RORB: variants seen among roughly 807,000 people sequenced by gnomAD.
The protein encoded by RORB is nuclear receptor ROR-beta.
In RORB, 6 loss-of-function variants were observed where a neutral mutation model predicts 59.1. The observed-to-expected ratio is 0.10, with a 90% CI of 0.06 to 0.20. The LOEUF is 0.20. Among genes scored for constraint, RORB ranks in the 10% least tolerant of loss-of-function variants. The pLI, the probability that RORB is intolerant of heterozygous loss-of-function variation, is 1.00. For synonymous variants in RORB, 215 were observed against 204.5 expected (o/e 1.05, Z -0.44); for missense variants, 320 against 560.5 (o/e 0.57, Z 4.33).
intron 4 of RORB, among the ~76,000 whole-genome samples, chr9:74,648,508 A>G (rs773061453): frequency 8.5e-5 from 13 of 152,170 alleles, no homozygotes; most frequent in Non-Finnish European, 1.6e-4. Flanking sequence ...AGTAGGGTAG[A>G]AGAGAGGAGG....
chr9:74,665,624 T>C (rs1190740068), intron 7 of RORB, 29 bp downstream of exon 7: 2 of 1,355,128 alleles, frequency 1.5e-6, no homozygotes, highest in Non-Finnish European at 2.1e-6. Flanking sequence ...AGGACACAAT[T>C]TTATTAGCCA....
intron 2 of RORB, among the ~76,000 whole-genome samples, 180 bp from the exon 3 acceptor site, chr9:74,634,451 G>C (rs1049714236): frequency 6.6e-6 from 1 of 152,226 alleles, no homozygotes; most frequent in Admixed American, 6.5e-5. Context: ...TATCTTTGCA[G>C]ATAGCATCTA....
chr9:74,575,306 G>C (rs1460736046), intron 1 of RORB, among the ~76,000 whole-genome samples: 1 of 152,242 alleles, frequency 6.6e-6, no homozygotes, highest in Admixed American at 6.5e-5. Flanking sequence ...GTTGGAGACA[G>C]TCCCAGGACA....
chr9:74,602,770 A>T (rs1440789559), intron 1 of RORB, among the ~76,000 whole-genome samples: 10 of 152,354 alleles, frequency 6.6e-5, no homozygotes, highest in Admixed American at 6.5e-4. Context: ...TTTTCACTGT[A>T]TAAATTGGTT....
chr9:74,526,979 G>T (rs1826163612), intron 1 of RORB, among the ~76,000 whole-genome samples: 1 of 151,850 alleles, frequency 6.6e-6, no homozygotes, highest in African/African-American at 2.4e-5. Context: ...TGGGATTAAA[G>T]AGCTAAATTC....
intron 1 of RORB, among the ~76,000 whole-genome samples, chr9:74,598,408 T>A (rs938598097): frequency 6.6e-6 from 1 of 152,212 alleles, no homozygotes; most frequent in Non-Finnish European, 1.5e-5. Flanking sequence ...GCAATCATAA[T>A]TGAATCTCCT....
intron 4 of RORB, among the ~76,000 whole-genome samples, chr9:74,658,313 C>T (rs1243457494): frequency 1.3e-5 from 2 of 152,152 alleles, no homozygotes; most frequent in Admixed American, 1.3e-4. Flanking sequence ...GGGAAACTTT[C>T]ACCAGGCATG....
chr9:74,555,713 C>G (rs1822277729), intron 1 of RORB, among the ~76,000 whole-genome samples: 1 of 152,122 alleles, frequency 6.6e-6, no homozygotes, highest in South Asian at 2.1e-4. Context: ...ACTGTAATTC[C>G]AATTAGAGCT....
intron 1 of RORB, among the ~76,000 whole-genome samples, chr9:74,514,024 T>A (rs934557290): frequency 2.6e-5 from 4 of 152,090 alleles, no homozygotes; most frequent in African/African-American, 4.8e-5. Flanking sequence ...GAAACTGCAT[T>A]AGTCAAGTAC....
intron 1 of RORB, among the ~76,000 whole-genome samples, chr9:74,531,277 T>C (rs1158467276): frequency 6.6e-6 from 1 of 152,014 alleles, no homozygotes; most frequent in Non-Finnish European, 1.5e-5. Flanking sequence ...TCAAGTTTTC[T>C]GCTTTTTAAA....
At chr9:74,679,826 A>T (rs1824514558) in intron 9 of RORB, among the ~76,000 whole-genome samples, 1 of 152,124 alleles carries the variant, frequency 6.6e-6, no homozygotes, top group African/African-American at 2.4e-5. Flanking sequence ...GTATTCATTA[A>T]GACTCTTTGG....
intron 1 of RORB, among the ~76,000 whole-genome samples, chr9:74,506,715 A>T (rs185332205): frequency 1.5e-4 from 23 of 152,252 alleles, no homozygotes; most frequent in Non-Finnish European, 5.9e-5. Flanking sequence ...ACTCTTGGCC[A>T]TAACCCTCTG....
rs113923505 is a variant in RORB at position 74,511,803 on chromosome 9, G to A, written c.7+13820G>A. ...TTAACTGATTTGATGTTGCACAACT[G>A]CTCTTTCCTTCATCATCCAACATTT... On this transcript the variant is annotated intron_variant, in intron 1 of 9. Transcript: ENST00000376896. 9.7e-3 allele frequency among the ~76,000 whole-genome samples: 1,465 copies of A among 150,380 alleles called. 38 individuals carry two copies. The highest frequency in any genetic ancestry group is 0.034 in the African/African-American group (1,407 of 40,796).
rs577545671 is a variant in RORB at position 74,686,283 on chromosome 9, T to C, written c.*665T>C. 227 of 152,758 alleles carry C rather than the reference T, an allele frequency of 1.5e-3. No individual in the cohort carries two copies. Among genetic ancestry groups the C allele is most frequent in the Non-Finnish European group, 2.5e-3 (172 of 68,028 alleles). The allele number at this position is 152,758 out of a possible 1,614,324, so 9.5% of individuals were successfully genotyped here. On this transcript the variant is annotated 3_prime_UTR_variant, in exon 10 of 10. Transcript: ENST00000376896. ...TTTTCCCAGCCAGAGTTTTCATCTA[T>C]AGTCAATGGCAGGACGGTACCAACT...
chr9:74,669,977 A>G (rs1824323109), intron 8 of RORB, among the ~76,000 whole-genome samples: 1 of 152,042 alleles, frequency 6.6e-6, no homozygotes. Context: ...TTATTTAACC[A>G]CTTTATCAAA....
chr9:74,507,911 T>G (rs1214984463), intron 1 of RORB, among the ~76,000 whole-genome samples: 1 of 152,032 alleles, frequency 6.6e-6, no homozygotes, highest in African/African-American at 2.4e-5. Flanking sequence ...AGAGGAACAT[T>G]TGTTCAGGAA....
At chr9:74,590,970 T>A (rs1051804287) in intron 1 of RORB, among the ~76,000 whole-genome samples, 1 of 152,020 alleles carries the variant, frequency 6.6e-6, no homozygotes, top group Admixed American at 6.6e-5. Flanking sequence ...TAACTTTTTG[T>A]ATTTTTAGTA....
At chr9:74,557,392 C>A (rs2118181560) in intron 1 of RORB, among the ~76,000 whole-genome samples, 1 of 152,280 alleles carries the variant, frequency 6.6e-6, no homozygotes, top group South Asian at 2.1e-4. Context: ...GCATGAGGAG[C>A]AAGCCTTACA....
rs1020250686 is a variant in RORB at position 74,686,915 on chromosome 9, T to C, written c.*1297T>C. On this transcript the variant is annotated 3_prime_UTR_variant, in exon 10 of 10. Transcript: ENST00000376896. ...TCTGTGTTATTCTAGGGAACTAATG[T>C]ACCCCAAAGCCAAAACTAATTCCTG... 2 of 152,300 alleles carry C rather than the reference T, an allele frequency of 1.3e-5. No individual in the cohort carries two copies. The highest frequency in any genetic ancestry group is 4.8e-5 in the African/African-American group (2 of 41,458). The allele number at this position is 152,300 out of a possible 1,614,324, so 9.4% of individuals were successfully genotyped here. A position where few individuals can be genotyped will look rare whatever the true frequency, so the allele number is the denominator to read the frequency against.
Sources: allele counts gnomAD v4.1 joint callset (sites outside exome capture counted in the v4.1 genomes callset), GRCh38; gene constraint gnomAD v4.1.1; transcripts MANE v1.5; gene names NCBI Gene and HGNC (gene_info 2026-07-23, HGNC 2026-07-21).